SLC39A14: variants seen among roughly 807,000 people sequenced by gnomAD.
SLC39A14 encodes the protein solute carrier family 39 member 14.
SLC39A14 carries 19 observed loss-of-function variants against 45.5 expected under a neutral mutation model. The observed-to-expected ratio is 0.42, with a 90% CI of 0.29 to 0.61. The LOEUF (loss-of-function observed/expected upper bound fraction) is 0.61. Ranked by LOEUF, SLC39A14 falls within the 20% of genes least tolerant of loss-of-function variation. The probability of loss-of-function intolerance (pLI) is 0.22; values close to 1 mark genes in which losing one functional copy is unlikely to be tolerated. For missense variants in SLC39A14, 447 were observed against 616.5 expected, an observed-to-expected ratio of 0.73 and a Z score of 2.91; for synonymous variants, 264 against 251.3, an observed-to-expected ratio of 1.05 and a Z score of -0.48.
Position 22,422,245 on chromosome 8 carries a change from C to G in SLC39A14, c.*2547C>G. ...TAGCAAGGAAAGTGTATGTCACGTG[C>G]AGGAACAGTGAGGCAGGGACAGGGG... is the stretch of plus-strand genomic sequence containing the variant. On this transcript the variant is annotated 3_prime_UTR_variant, in exon 9 of 9. Coordinates refer to ENST00000381237, the MANE Select transcript of SLC39A14 (RefSeq NM_001128431.4). The G allele has an allele frequency of 2.0e-6, 2 of 985,526 alleles. No individual in the cohort carries two copies. The highest frequency in any genetic ancestry group is 2.4e-6 in the Non-Finnish European group (2 of 829,930). 61.0% of individuals were successfully genotyped at this position (985,526 alleles called of 1,614,324 possible). A position where few individuals can be genotyped will look rare whatever the true frequency, so the allele number is the denominator to read the frequency against.
chr8:22,433,540 CTTTT>C (rs555154342), intron 8 of SLC39A14, among the ~76,000 whole-genome samples: 3 of 118,236 alleles, frequency 2.5e-5, no homozygotes, highest in African/African-American at 3.2e-5. Context: ...TTATTTTATG[CTTTT>C]TTTTTTTTTT....
At chr8:22,388,524 G>A (rs112995541) in intron 1 of SLC39A14, among the ~76,000 whole-genome samples, 118 of 152,092 alleles carry the variant, frequency 7.8e-4, no homozygotes, top group African/African-American at 2.7e-3. Context: ...CTGGAGGGAC[G>A]GAGTGTTGGG....
chr8:22,431,653 G>A (rs7812987), intron 8 of SLC39A14, among the ~76,000 whole-genome samples: 47,361 of 152,060 alleles, frequency 0.31, 7,641 homozygotes, highest in East Asian at 0.5. Context: ...GAAGAAATGT[G>A]TAGAAATGAT....
At chr8:22,387,172 TAAA>T (rs71544897) in intron 1 of SLC39A14, among the ~76,000 whole-genome samples, 5 of 142,896 alleles carry the variant, frequency 3.5e-5, no homozygotes, top group Non-Finnish European at 7.6e-5. Context: ...GACCCTGTCT[TAAA>T]AAAAAAAAAA....
At chr8:22,411,809 A>G in intron 3 of SLC39A14, 1 of 527,870 alleles carries the variant, frequency 1.9e-6, no homozygotes, top group South Asian at 2.5e-5. Context: ...AACTGATTGA[A>G]GGAAATTTCA....
chr8:22,379,431 G>A (rs1246691060), intron 1 of SLC39A14: 2 of 152,250 alleles, frequency 1.3e-5, no homozygotes, highest in Non-Finnish European at 2.9e-5. Context: ...ACCTAGGAGA[G>A]AAGGCAAGCT....
intron 1 of SLC39A14, among the ~76,000 whole-genome samples, chr8:22,377,406 G>A (rs996141788): frequency 4.6e-5 from 7 of 152,216 alleles, no homozygotes; most frequent in South Asian, 2.1e-4. Context: ...ATTGGAGAAT[G>A]CTGTTTAGAA....
At chr8:22,423,786 T>TTCTCTCTC (rs58420252), downstream of SLC39A14, among the ~76,000 whole-genome samples, 415 of 122,254 alleles carry the variant, frequency 3.4e-3, 10 homozygotes, top group African/African-American at 0.01. Flanking sequence ...TTTAATTGGT[T>TTCTCTCTC]TCTCTCTCTC....
In SLC39A14 at chr8:22,414,915, T is replaced by A. The variant is rs771137067; in HGVS notation, c.750+13T>A. ...GCAGAAAAATGAGGTGAGGCCCAAT[T>A]GTTGCTGAAGAAAGCTCTTCTAGGG... On this transcript the variant is annotated intron_variant, in intron 5 of 8. Transcript: ENST00000381237. The A allele has an allele frequency of 6.2e-7, 1 of 1,609,848 alleles. No individual in the cohort carries two copies. The highest frequency in any genetic ancestry group is 1.1e-5 in the South Asian group (1 of 89,648).
rs200874193 is a variant in SLC39A14 at position 22,415,931 on chromosome 8, G to T, written c.913G>T (p.Val305Phe). 7.5e-6 allele frequency: 12 copies of T among 1,607,114 alleles called. No homozygotes were observed. The highest frequency in any genetic ancestry group is 1.7e-5 in the Admixed American group (1 of 58,822). Reference sequence around the variant, plus strand: ...CAAGGCGCCCATGGTGGACGAGAAGGTCATTGTGGGCTCGCTCTCTGTGCA... The same window carrying T: ...CAAGGCGCCCATGGTGGACGAGAAGTTCATTGTGGGCTCGCTCTCTGTGCA... ...DGKAPMVDEK[V>F]IVGSLSVQDL... Residue 305 changes from valine (V) to phenylalanine (F), a missense_variant, in exon 6 of 9, where the codon GTC becomes TTC. Transcript: ENST00000381237.
chr8:22,398,893 C>A, intron 1 of SLC39A14: 1 of 250,540 alleles, frequency 4.0e-6, no homozygotes, highest in Non-Finnish European at 6.3e-6. Flanking sequence ...TTTCCTATGT[C>A]TCCCTCCCAC....
In SLC39A14 at chr8:22,421,909, A is replaced by G. The variant is rs948891090; in HGVS notation, c.*2211A>G. ...ATATTACCTTAAGAAATTTCCTTCC[A>G]TAGACAGCTGCCTCAAAGGGAAATC... On this transcript the variant is annotated 3_prime_UTR_variant, in exon 9 of 9. Transcript: ENST00000381237. 6.5e-5 allele frequency: 64 copies of G among 985,252 alleles called. No homozygotes were observed. Among genetic ancestry groups the G allele is most frequent in the Non-Finnish European group, 7.6e-5 (63 of 829,918 alleles). The allele number at this position is 985,252 out of a possible 1,614,324, so 61.0% of individuals were successfully genotyped here.
At chr8:22,370,814 C>T (rs1170859096) in intron 1 of SLC39A14, among the ~76,000 whole-genome samples, 1 of 152,154 alleles carries the variant, frequency 6.6e-6, no homozygotes, top group Non-Finnish European at 1.5e-5. Flanking sequence ...AGGGAAGGGA[C>T]CTGCTGCTCA....
intron 1 of SLC39A14, among the ~76,000 whole-genome samples, chr8:22,401,192 T>A (rs1443955691): frequency 6.6e-6 from 1 of 152,208 alleles, no homozygotes; most frequent in Non-Finnish European, 1.5e-5. Context: ...GTTAAATAAT[T>A]CATCCAAGAT....
intron 1 of SLC39A14, among the ~76,000 whole-genome samples, chr8:22,373,437 C>T (rs932111992): frequency 1.3e-5 from 2 of 151,944 alleles, no homozygotes; most frequent in African/African-American, 4.8e-5. Flanking sequence ...GTTAAGAAGT[C>T]AGTTAAAAGT....
At chr8:22,369,844 G>T (rs1255118618) in intron 1 of SLC39A14, among the ~76,000 whole-genome samples, 2 of 151,976 alleles carry the variant, frequency 1.3e-5, no homozygotes, top group Non-Finnish European at 2.9e-5. Context: ...GTTATTTAGG[G>T]GTCCCAGAGG....
chr8:22,412,817 G>A (rs1835655991), intron 4 of SLC39A14, among the ~76,000 whole-genome samples: 1 of 152,094 alleles, frequency 6.6e-6, no homozygotes, highest in African/African-American at 2.4e-5. Context: ...GGTAGCGCAC[G>A]CCTGTAATCC....
chr8:22,394,158 C>T (rs974790837), intron 1 of SLC39A14, among the ~76,000 whole-genome samples: 1 of 151,938 alleles, frequency 6.6e-6, no homozygotes, highest in Non-Finnish European at 1.5e-5. Context: ...AGGCGTGCGC[C>T]ACCACACCCA....
chr8:22,433,058 C>A (rs1563644297), intron 8 of SLC39A14, among the ~76,000 whole-genome samples: 2 of 152,246 alleles, frequency 1.3e-5, no homozygotes, highest in African/African-American at 4.8e-5. Flanking sequence ...TGTGCCTCAG[C>A]CTCCCAAAGT....
Sources: gnomAD v4.1 joint callset for allele counts (sites outside exome capture counted in the v4.1 genomes callset) on GRCh38, gnomAD v4.1.1 for gene constraint, MANE v1.5 for transcripts, NCBI Gene and HGNC (gene_info 2026-07-23, HGNC 2026-07-21) for gene names.